SMAP1: variants seen among roughly 807,000 people sequenced by gnomAD.
The protein encoded by SMAP1 is small ArfGAP 1, also known as stromal membrane-associated protein 1.
In SMAP1, 24 loss-of-function variants were observed where a neutral mutation model predicts 58.5. That is an observed-to-expected ratio of 0.41 (90% CI 0.30 to 0.58). SMAP1 has a LOEUF of 0.58. SMAP1 is among the 20% of genes least tolerant of loss of function. SMAP1 has a pLI of 0.29. For synonymous variants in SMAP1, 216 were observed against 196.6 expected (o/e 1.10, Z -0.82); for missense variants, 563 against 566.3 (o/e 0.99, Z 0.06).
chr6:70,850,444 GT>G (rs1044726882), intron 7 of SMAP1, among the ~76,000 whole-genome samples: 7 of 151,254 alleles, frequency 4.6e-5, no homozygotes, highest in Middle Eastern at 3.5e-3. Flanking sequence ...GCTTGTCACC[GT>G]TTTTTTTCCT....
intron 7 of SMAP1, 70 bp downstream of exon 7, chr6:70,837,098 TA>T: frequency 8.5e-7 from 1 of 1,178,932 alleles, no homozygotes; most frequent in Non-Finnish European, 1.2e-6. Context: ...GGAGTGAATA[TA>T]ATGGCTTTAT....
At chr6:70,700,636 T>C (rs2149827774) in intron 1 of SMAP1, among the ~76,000 whole-genome samples, 1 of 152,232 alleles carries the variant, frequency 6.6e-6, no homozygotes. Context: ...GCCTCAGATA[T>C]TTATGTATAG....
chr6:70,774,705 G>A (rs1222685528), intron 4 of SMAP1, among the ~76,000 whole-genome samples: 2 of 151,550 alleles, frequency 1.3e-5, no homozygotes, highest in Non-Finnish European at 2.9e-5. Flanking sequence ...AACATAGTGA[G>A]ACCCTATCTC....
chr6:70,818,825 A>C (rs919056005), intron 6 of SMAP1, among the ~76,000 whole-genome samples: 3 of 152,212 alleles, frequency 2.0e-5, no homozygotes, highest in African/African-American at 7.2e-5. Context: ...CCCCAATTTA[A>C]AATTTTTCTA....
intron 7 of SMAP1, among the ~76,000 whole-genome samples, chr6:70,850,216 C>T (rs754510143): frequency 6.6e-6 from 1 of 152,184 alleles, no homozygotes; most frequent in Non-Finnish European, 1.5e-5. Context: ...TTGTGATTCT[C>T]ACTAAATGCA....
intron 2 of SMAP1, among the ~76,000 whole-genome samples, chr6:70,749,310 C>G (rs981488678): frequency 3.3e-5 from 5 of 152,156 alleles, no homozygotes; most frequent in Non-Finnish European, 7.3e-5. Flanking sequence ...AGTCCCTTCC[C>G]AACACCTGAC....
intron 6 of SMAP1, among the ~76,000 whole-genome samples, chr6:70,825,087 C>T (rs1198217196): frequency 6.6e-6 from 1 of 152,060 alleles, no homozygotes; most frequent in Non-Finnish European, 1.5e-5. Context: ...CATCATGAGC[C>T]CTGTATGCAG....
chr6:70,738,707 A>T (rs2149870373), intron 2 of SMAP1, among the ~76,000 whole-genome samples: 1 of 152,198 alleles, frequency 6.6e-6, no homozygotes, highest in East Asian at 1.9e-4. Flanking sequence ...TTGAATTCTT[A>T]GTCAGGCCAA....
chr6:70,859,161 A>G, intron 10 of SMAP1: 1 of 524,746 alleles, frequency 1.9e-6, no homozygotes, highest in African/African-American at 1.9e-5. Flanking sequence ...TAATTTTGCT[A>G]CCACCATTTA....
chr6:70,850,182 G>A (rs1458058674), intron 7 of SMAP1, among the ~76,000 whole-genome samples: 2 of 152,186 alleles, frequency 1.3e-5, no homozygotes, highest in Non-Finnish European at 2.9e-5. Context: ...ATAAGACATA[G>A]CATTGGTTTT....
At chr6:70,757,711 A>G (rs1292882991) in intron 3 of SMAP1, among the ~76,000 whole-genome samples, 1 of 152,262 alleles carries the variant, frequency 6.6e-6, no homozygotes, top group African/African-American at 2.4e-5. Context: ...TGGGCGAAGG[A>G]CATGAACAGA....
chr6:70,760,555 T>C (rs942349109), intron 3 of SMAP1, among the ~76,000 whole-genome samples: 1 of 152,046 alleles, frequency 6.6e-6, no homozygotes, highest in Non-Finnish European at 1.5e-5. Flanking sequence ...TATGAAACAC[T>C]GTAATTTGGA....
intron 3 of SMAP1, among the ~76,000 whole-genome samples, chr6:70,766,715 T>C (rs899566620): frequency 2.0e-5 from 3 of 152,182 alleles, no homozygotes; most frequent in African/African-American, 7.2e-5. Flanking sequence ...ACTCTGATGG[T>C]AGTTTCTTTT....
intron 2 of SMAP1, among the ~76,000 whole-genome samples, chr6:70,741,702 G>A (rs574420882): frequency 6.6e-6 from 1 of 152,212 alleles, no homozygotes; most frequent in Non-Finnish European, 1.5e-5. Flanking sequence ...GACTCTGTGT[G>A]GGGGCTTGCA....
intron 3 of SMAP1, among the ~76,000 whole-genome samples, chr6:70,757,402 A>G (rs1487575452): frequency 6.6e-6 from 1 of 151,982 alleles, no homozygotes; most frequent in East Asian, 1.9e-4. Context: ...GTTAGACCTA[A>G]AACAATAAAA....
At chr6:70,802,710 C>T (rs187799685) in intron 6 of SMAP1, among the ~76,000 whole-genome samples, 1 of 152,240 alleles carries the variant, frequency 6.6e-6, no homozygotes, top group African/African-American at 2.4e-5. Context: ...GAGTTTTTAG[C>T]ATGAAGGGCT....
At chr6:70,807,721 G>C (rs1423948081) in intron 6 of SMAP1, among the ~76,000 whole-genome samples, 1 of 152,084 alleles carries the variant, frequency 6.6e-6, no homozygotes, top group African/African-American at 2.4e-5. Flanking sequence ...AAGAAGTTAA[G>C]CCTTTTTAAG....
intron 1 of SMAP1, among the ~76,000 whole-genome samples, chr6:70,710,187 A>C (rs527335690): frequency 1.3e-5 from 2 of 152,198 alleles, no homozygotes; most frequent in African/African-American, 4.8e-5. Context: ...GTACAGTACA[A>C]ATTGCTATAA....
chr6:70,768,667 G>A, intron 3 of SMAP1, among the ~76,000 whole-genome samples: 2 of 152,172 alleles, frequency 1.3e-5, no homozygotes, highest in South Asian at 4.1e-4. Flanking sequence ...CTTGCTAGTG[G>A]TCTATCAATT....
Sources: gnomAD v4.1 joint callset for allele counts (sites outside exome capture counted in the v4.1 genomes callset) on GRCh38, gnomAD v4.1.1 for gene constraint, MANE v1.5 for transcripts, NCBI Gene and HGNC (gene_info 2026-07-23, HGNC 2026-07-21) for gene names.